Variants in DGCR8 observed in about 807,000 individuals in gnomAD.
The protein encoded by DGCR8 is microprocessor complex subunit DGCR8.
In DGCR8, 14 loss-of-function variants were observed where a neutral mutation model predicts 78.5. That is an observed-to-expected ratio of 0.18 (90% CI 0.12 to 0.28). DGCR8 has a LOEUF of 0.28. DGCR8 is among the 10% of genes least tolerant of loss of function. The pLI, the probability that DGCR8 is intolerant of heterozygous loss-of-function variation, is 1.00. For synonymous variants in DGCR8, 399 were observed against 402.4 expected (o/e 0.99, Z 0.10); for missense variants, 702 against 1,022.5 (o/e 0.69, Z 4.28).
In DGCR8 at chr22:20,089,799, G is replaced by T. The variant is rs776415961; in HGVS notation, c.1011G>T (p.Thr337=). The T allele has an allele frequency of 1.2e-6, 2 of 1,613,916 alleles. No homozygotes were observed. The highest frequency in any genetic ancestry group is 2.2e-5 in the South Asian group (2 of 91,066). The stretch of plus-strand genomic sequence containing the variant: ...GGTCCAGGCCATACTTCTTGGGAAC[G>T]GGAAGCATACGGGTAGGGGAGGCAT... ...VTWSRPYFLG[T]GSIRKHDPPL... Residue 337 remains threonine, a synonymous_variant, in exon 4 of 14, where the codon ACG becomes ACT. Transcript: ENST00000351989. This position sits in a 1 kb window ranked among gnomAD's most constrained non-coding sequence, Gnocchi z 4.9.
Position 20,110,167 on chromosome 22 carries a change from A to G in DGCR8, c.*59A>G. On this transcript the variant is annotated 3_prime_UTR_variant, in exon 14 of 14. Transcript: ENST00000351989. ...CAGCCGCACTTCTGAGGAGACCAGC[A>G]GTCATGCATCGTGCACCACAGTGTC... The G allele has an allele frequency of 6.5e-7, 1 of 1,544,804 alleles. No individual in the cohort carries two copies. The highest frequency in any genetic ancestry group is 1.7e-5 in the Admixed American group (1 of 59,392).
chr22:20,098,228 C>A (rs763697506), intron 9 of DGCR8, among the ~76,000 whole-genome samples: 3 of 151,944 alleles, frequency 2.0e-5, no homozygotes, highest in African/African-American at 4.8e-5. Flanking sequence ...TAGGCTCAAG[C>A]AATCTGCCCA....
At chr22:20,095,438 T>C (rs4476436) in intron 9 of DGCR8, among the ~76,000 whole-genome samples, 40,977 of 151,982 alleles carry the variant, frequency 0.27, 5,634 homozygotes, top group South Asian at 0.29. Flanking sequence ...GACCCTTGAG[T>C]AACGTGGAAG....
In DGCR8 at chr22:20,111,125, A is replaced by G. The variant is rs2049836709; in HGVS notation, c.*1017A>G. ...GTGACAGCGGTTTCTCTGGATGTCA[A>G]AGGCAGCTGCCTGGTGCCCAGCTTG... On this transcript the variant is annotated 3_prime_UTR_variant, in exon 14 of 14. Coordinates refer to ENST00000351989, the MANE Select transcript of DGCR8 (RefSeq NM_022720.7). 1 of 398,614 alleles carries G rather than the reference A, an allele frequency of 2.5e-6. No homozygotes were observed. Among genetic ancestry groups the G allele is most frequent in the Non-Finnish European group, 4.4e-6 (1 of 226,070 alleles). 24.7% of individuals were successfully genotyped at this position (398,614 alleles called of 1,614,324 possible).
intron 9 of DGCR8, among the ~76,000 whole-genome samples, chr22:20,098,379 CAGAG>C (rs1036015779): frequency 1.4e-4 from 22 of 152,122 alleles, no homozygotes; most frequent in African/African-American, 5.3e-4. Context: ...GTCCAGTTCT[CAGAG>C]AGCGTGTATA....
intron 5 of DGCR8, among the ~76,000 whole-genome samples, chr22:20,091,099 G>A (rs551538125): frequency 6.4e-4 from 98 of 152,368 alleles, no homozygotes; most frequent in African/African-American, 2.3e-3. Context: ...CATGGAGCCC[G>A]GGTGCTGCTG....
intron 8 of DGCR8, among the ~76,000 whole-genome samples, chr22:20,093,628 G>A (rs944376686): frequency 1.3e-5 from 2 of 152,236 alleles, no homozygotes; most frequent in African/African-American, 4.8e-5. Flanking sequence ...CAGTGGTGCT[G>A]GCTCTTACCG....
At chr22:20,098,096 C>T (rs1040197048) in intron 9 of DGCR8, among the ~76,000 whole-genome samples, 15 of 145,970 alleles carry the variant, frequency 1.0e-4, no homozygotes, top group Non-Finnish European at 2.1e-4. Flanking sequence ...CACTGTGCTC[C>T]AGCCTGGTGA....
chr22:20,106,148 G>A (rs1216677582), intron 9 of DGCR8, 29 bp from the exon 10 acceptor site: 4 of 1,597,922 alleles, frequency 2.5e-6, no homozygotes, highest in South Asian at 1.1e-5. Flanking sequence ...GCCTGGTGGG[G>A]ACTCACAAGC....
chr22:20,094,414 T>G (rs1279528206), intron 8 of DGCR8, among the ~76,000 whole-genome samples: 3 of 152,226 alleles, frequency 2.0e-5, no homozygotes, highest in Non-Finnish European at 2.9e-5. Context: ...TTTTCTCACG[T>G]GCCACCGAAG....
Position 20,111,251 on chromosome 22 carries a change from G to A in DGCR8, c.*1143G>A. 1 of 398,884 alleles carries A rather than the reference G, an allele frequency of 2.5e-6. No individual in the cohort carries two copies. Among genetic ancestry groups the A allele is most frequent in the Non-Finnish European group, 4.4e-6 (1 of 226,092 alleles). The allele number at this position is 398,884 out of a possible 1,614,324, so 24.7% of individuals were successfully genotyped here. ...TGCTCAAAGGCTGGCCCTGGTGGTG[G>A]ACTGGCACCTGTGCAGAGTGCCGTG... On this transcript the variant is annotated 3_prime_UTR_variant, in exon 14 of 14. Coordinates refer to ENST00000351989, the MANE Select transcript of DGCR8 (RefSeq NM_022720.7).
At chr22:20,096,389 C>G in intron 9 of DGCR8, 1 of 966,046 alleles carries the variant, frequency 1.0e-6, no homozygotes, top group Non-Finnish European at 1.2e-6. Flanking sequence ...CCATGGAGTT[C>G]AAATCCATGT....
chr22:20,101,562 A>T, intron 9 of DGCR8: 1 of 981,066 alleles, frequency 1.0e-6, no homozygotes, highest in African/African-American at 1.8e-5. Flanking sequence ...TGGGCGACGG[A>T]GCGAGAATAT....
intron 3 of DGCR8, among the ~76,000 whole-genome samples, chr22:20,088,480 C>T (rs889880530): frequency 6.6e-6 from 1 of 152,206 alleles, no homozygotes; most frequent in Non-Finnish European, 1.5e-5. Flanking sequence ...TGTGACCACT[C>T]ACTGTCACAG....
In DGCR8 at chr22:20,110,165, G is replaced by A; in HGVS notation, c.*57G>A. 6.5e-7 allele frequency: 1 copy of A among 1,549,266 alleles called. No homozygotes were observed. Among genetic ancestry groups the A allele is most frequent in the Non-Finnish European group, 8.8e-7 (1 of 1,135,264 alleles). On this transcript the variant is annotated 3_prime_UTR_variant, in exon 14 of 14. Coordinates refer to ENST00000351989, the MANE Select transcript of DGCR8 (RefSeq NM_022720.7). ...GCCAGCCGCACTTCTGAGGAGACCA[G>A]CAGTCATGCATCGTGCACCACAGTG...
In DGCR8 at chr22:20,091,776, C is replaced by T. The variant is rs2049565832; in HGVS notation, c.1505-93C>T. 7 of 1,482,918 alleles carry T rather than the reference C, an allele frequency of 4.7e-6. 1 individual carries two copies. Among genetic ancestry groups the T allele is most frequent in the South Asian group, 2.3e-5 (2 of 87,324 alleles). 91.9% of individuals were successfully genotyped at this position (1,482,918 alleles called of 1,614,324 possible). A position where few individuals can be genotyped will look rare whatever the true frequency, so the allele number is the denominator to read the frequency against. On this transcript the variant is annotated intron_variant, in intron 6 of 13. Coordinates refer to ENST00000351989, the MANE Select transcript of DGCR8 (RefSeq NM_022720.7). ...TGCAGGGGTCTGCCACATTCACGGT[C>T]GTGAGCCCCTAGTTACTGACATGGT...
chr22:20,097,185 G>T (rs1029366626), intron 9 of DGCR8, among the ~76,000 whole-genome samples: 3 of 152,172 alleles, frequency 2.0e-5, no homozygotes, highest in African/African-American at 7.2e-5. Flanking sequence ...GATAATACTG[G>T]CCTCATAAAA....
At chr22:20,091,775 T>C (rs2049565792) in intron 6 of DGCR8, 94 bp from the exon 7 acceptor site, 2 of 1,484,246 alleles carry the variant, frequency 1.3e-6, no homozygotes, top group Non-Finnish European at 1.9e-6. Flanking sequence ...ACATTCACGG[T>C]CGTGAGCCCC....
Position 20,086,223 on chromosome 22 carries a change from T to C in DGCR8, c.260T>C (p.Ile87Thr), listed in dbSNP as rs2049480335. Residue 87 changes from isoleucine (I) to threonine (T), a missense_variant, in exon 2 of 14, where the codon ATA (isoleucine) becomes ACA (threonine). Ile to Thr is a moderately conservative substitution (Grantham distance 89, BLOSUM62 -1). Around this residue, in one of 4 missense-constraint regions of DGCR8, gnomAD observed 356 missense variants for 448.9 expected, o/e 0.79. Coordinates refer to ENST00000351989, the MANE Select transcript of DGCR8 (RefSeq NM_022720.7). This position sits in a 1 kb window ranked among gnomAD's most constrained non-coding sequence, Gnocchi z 6.4. ...KGSFSKGRLLIDPNCSGHSPR... is the reference protein window; with the variant it reads ...KGSFSKGRLLTDPNCSGHSPR... The stretch of plus-strand genomic sequence containing the variant: ...TCCTTCTCTAAGGGCCGCCTCCTCA[T>C]AGACCCGAACTGTAGTGGCCACAGC... 1.9e-6 allele frequency: 3 copies of C among 1,614,088 alleles called. No individual in the cohort carries two copies. Among genetic ancestry groups the C allele is most frequent in the Non-Finnish European group, 1.7e-6 (2 of 1,180,012 alleles).
Sources: gnomAD v4.1 joint callset for allele counts (sites outside exome capture counted in the v4.1 genomes callset) on GRCh38, gnomAD v4.1.1 for gene constraint, gnomAD v4.1.1 regional missense constraint, Gnocchi (gnomAD v3.1) non-coding constraint, MANE v1.5 for transcripts, NCBI Gene and HGNC (gene_info 2026-07-23, HGNC 2026-07-21) for gene names.